HSPA4: variants seen among roughly 807,000 people sequenced by gnomAD.
The protein encoded by HSPA4 is heat shock protein family A (Hsp70) member 4, also known as heat shock 70 kDa protein 4.
In HSPA4, 25 loss-of-function variants were observed where a neutral mutation model predicts 106.2. The observed-to-expected ratio is 0.24, with a 90% confidence interval of 0.17 to 0.33. The LOEUF (loss-of-function observed/expected upper bound fraction) is 0.33. Ranked by LOEUF, HSPA4 falls within the 10% of genes least tolerant of loss-of-function variation. HSPA4 has a pLI of 1.00. For synonymous variants in HSPA4, 332 were observed against 333.6 expected, an observed-to-expected ratio of 1.00 and a Z score of 0.05; for missense variants, 841 against 996.0, an observed-to-expected ratio of 0.84 and a Z score of 2.10.
chr5:133,089,428 C>A, intron 10 of HSPA4, 134 bp from the exon 11 acceptor site: 1 of 801,700 alleles, frequency 1.2e-6, no homozygotes, highest in Non-Finnish European at 1.9e-6. Flanking sequence ...CTTGGGAACT[C>A]TTATAATCTG....
Position 133,073,210 on chromosome 5 carries a change from A to AT in HSPA4, c.430-18dup. 1 of 1,412,254 alleles carries AT rather than the reference A, an allele frequency of 7.1e-7. No homozygotes were observed. Among genetic ancestry groups the AT allele is most frequent in the Non-Finnish European group, 9.8e-7 (1 of 1,019,046 alleles). 87.5% of individuals were successfully genotyped at this position (1,412,254 alleles called of 1,614,324 possible). On this transcript the variant is annotated intron_variant, in intron 4 of 18. Transcript: ENST00000304858. ...AATTAGAATCTATAATACAGTAAGC[A>AT]TTCTTTTTTTTTTTTGTAGGTTCCT...
intron 7 of HSPA4, among the ~76,000 whole-genome samples, chr5:133,085,489 T>TTAAAAAAAAAAAA (rs1554089513): frequency 3.6e-5 from 4 of 110,286 alleles, no homozygotes; most frequent in African/African-American, 2.0e-4. Context: ...CCATCTCTAC[T>TTAAAAAAAAAAAA]AAAAAAAAAA....
Position 133,105,579 on chromosome 5 carries a change from G to C in HSPA4, c.*1143G>C, listed in dbSNP as rs1047963578. The C allele has an allele frequency of 3.3e-5, 5 of 152,204 alleles. No individual in the cohort carries two copies. The highest frequency in any genetic ancestry group is 4.4e-5 in the Non-Finnish European group (3 of 68,028). 9.4% of individuals were successfully genotyped at this position (152,204 alleles called of 1,614,324 possible). A position where few individuals can be genotyped will look rare whatever the true frequency, so the allele number is the denominator to read the frequency against. On this transcript the variant is annotated 3_prime_UTR_variant, in exon 19 of 19. Transcript: ENST00000304858. ...TCCTCTGACTGCTTTTTGGGGCAGT[G>C]TTGACAGGAGTGAGGCATTTTGGAA...
chr5:133,053,907 G>GC (rs1302583799), intron 1 of HSPA4, among the ~76,000 whole-genome samples: 6 of 151,628 alleles, frequency 4.0e-5, no homozygotes, highest in African/African-American at 1.2e-4. Flanking sequence ...TGATCCTCCC[G>GC]CCTCGGCCTC....
At chr5:133,059,291 TAAAA>T (rs1440903367) in intron 1 of HSPA4, among the ~76,000 whole-genome samples, 2 of 150,666 alleles carry the variant, frequency 1.3e-5, no homozygotes, top group African/African-American at 2.4e-5. Flanking sequence ...CTACTAAAAA[TAAAA>T]AAATTAGCTG....
At position 133,066,256 on chromosome 5, in the gene HSPA4, C is replaced by G. The variant is rs144975382; in HGVS notation, c.166-1161C>G. 4.7e-3 allele frequency among the ~76,000 whole-genome samples: 716 copies of G among 152,222 alleles called. 3 individuals carry two copies. The highest frequency in any genetic ancestry group is 7.5e-3 in the Non-Finnish European group (508 of 68,012). ...TCGAGGAAGGCATGATTTGGGTGGCCTCATCTGTTTCATAAAAGGACTTCT... is the reference window on the plus strand; with the variant it reads ...TCGAGGAAGGCATGATTTGGGTGGCGTCATCTGTTTCATAAAAGGACTTCT... On this transcript the variant is annotated intron_variant, in intron 2 of 18. Coordinates refer to ENST00000304858, the MANE Select transcript of HSPA4 (RefSeq NM_002154.4).
intron 1 of HSPA4, among the ~76,000 whole-genome samples, chr5:133,054,161 G>A (rs963853842): frequency 5.3e-5 from 8 of 151,986 alleles, no homozygotes; most frequent in Non-Finnish European, 1.2e-4. Flanking sequence ...CTGTCCCTTT[G>A]CTGAGTTTAG....
intron 7 of HSPA4, among the ~76,000 whole-genome samples, chr5:133,081,490 T>C (rs1765514824): frequency 6.6e-6 from 1 of 152,242 alleles, no homozygotes; most frequent in Non-Finnish European, 1.5e-5. Flanking sequence ...AAGATAACTT[T>C]AGGTAGGGCC....
chr5:133,052,178 C>T lies in HSPA4; in HGVS notation c.-73C>T, dbSNP rs1016010641. The T allele has an allele frequency of 3.3e-5, 35 of 1,074,574 alleles. No homozygotes were observed. The African/African-American group carries it at 4.5e-4, about 14-fold the overall frequency. The allele number at this position is 1,074,574 out of a possible 1,614,324, so 66.6% of individuals were successfully genotyped here. A position where few individuals can be genotyped will look rare whatever the true frequency, so the allele number is the denominator to read the frequency against. On this transcript the variant is annotated 5_prime_UTR_variant, in exon 1 of 19. Coordinates refer to ENST00000304858, the MANE Select transcript of HSPA4 (RefSeq NM_002154.4). ...GCCCAAGAGGCCTGCTTTCCACTCGCTAGCCCCGCCGGGGGTCCGTGTCCT... is the reference window on the plus strand; with the variant it reads ...GCCCAAGAGGCCTGCTTTCCACTCGTTAGCCCCGCCGGGGGTCCGTGTCCT...
At position 133,064,873 on chromosome 5, in the gene HSPA4, C is replaced by G. The variant is rs1765288792; in HGVS notation, c.108-107C>G. The stretch of plus-strand genomic sequence containing the variant: ...AAAGGTCAAAATCATAGATTTGTAC[C>G]ATTAAAATATATGGCATTTTAGCTG... On this transcript the variant is annotated intron_variant, in intron 1 of 18. Coordinates refer to ENST00000304858, the MANE Select transcript of HSPA4 (RefSeq NM_002154.4). The G allele has an allele frequency of 3.1e-6, 3 of 958,416 alleles. No homozygotes were observed. In the Admixed American group the frequency reaches 5.8e-5, roughly 19 times the overall value. The allele number at this position is 958,416 out of a possible 1,614,324, so 59.4% of individuals were successfully genotyped here. A position where few individuals can be genotyped will look rare whatever the true frequency, so the allele number is the denominator to read the frequency against.
At chr5:133,064,286 A>G (rs928694935) in intron 1 of HSPA4, among the ~76,000 whole-genome samples, 1 of 152,210 alleles carries the variant, frequency 6.6e-6, no homozygotes, top group Non-Finnish European at 1.5e-5. Flanking sequence ...TGGGTGAATC[A>G]TCTGAGGTCA....
At chr5:133,097,325 CT>C in intron 15 of HSPA4, 39 bp downstream of exon 15, 1 of 1,579,622 alleles carries the variant, frequency 6.3e-7, no homozygotes, top group African/African-American at 1.3e-5. Context: ...TGTGTGTCTT[CT>C]GTGAACATCT....
intron 1 of HSPA4, among the ~76,000 whole-genome samples, chr5:133,054,646 T>C (rs1036011578): frequency 2.0e-5 from 3 of 152,238 alleles, no homozygotes; most frequent in Admixed American, 2.0e-4. Flanking sequence ...CTGTGCCCTT[T>C]AGCAGTTTAT....
intron 1 of HSPA4, 49 bp downstream of exon 1, chr5:133,052,406 C>T (rs749365702): frequency 2.4e-6 from 3 of 1,229,896 alleles, no homozygotes; most frequent in East Asian, 2.7e-5. Context: ...GGAGATAATG[C>T]TTGTTCCAGT....
intron 10 of HSPA4, 72 bp downstream of exon 10, chr5:133,089,233 C>T (rs1352821616): frequency 6.0e-6 from 5 of 835,324 alleles, no homozygotes; most frequent in Non-Finnish European, 7.5e-6. Context: ...TGTTGCTTTT[C>T]ATTTCAGTTT....
At position 133,076,846 on chromosome 5, in the gene HSPA4, T is replaced by C. The variant is rs1765451997; in HGVS notation, c.856T>C (p.Leu286=). Residue 286 remains leucine, a synonymous_variant, in exon 7 of 19, where the codon TTG becomes CTG. Transcript: ENST00000304858. ...GAGTGCAAATGCTTCAGATCTCCCT[T>C]TGAGCATTGAATGTTTTATGAATGA... is the stretch of plus-strand genomic sequence containing the variant. ...LMSANASDLP[L]SIECFMNDVD... is the part of the protein sequence containing the mutation. 1.9e-6 allele frequency: 3 copies of C among 1,612,040 alleles called. No individual in the cohort carries two copies. Among genetic ancestry groups the C allele is most frequent in the Non-Finnish European group, 2.5e-6 (3 of 1,178,132 alleles).
At chr5:133,078,462 C>T (rs113696008) in intron 7 of HSPA4, among the ~76,000 whole-genome samples, 2,373 of 151,668 alleles carry the variant, frequency 0.016, 30 homozygotes, top group Middle Eastern at 0.038. Flanking sequence ...AGGTGAAACT[C>T]TTTCTCTACT....
intron 6 of HSPA4, among the ~76,000 whole-genome samples, chr5:133,075,232 A>G (rs990032376): frequency 2.6e-5 from 4 of 152,236 alleles, no homozygotes; most frequent in Non-Finnish European, 4.4e-5. Flanking sequence ...ATGGTGGACC[A>G]AATGTAATTC....
At position 133,092,806 on chromosome 5, in the gene HSPA4, G is replaced by GTTTTTTTTT. The variant is rs57230598; in HGVS notation, c.1650+41_1650+49dup. On this transcript the variant is annotated intron_variant, in intron 13 of 18. Transcript: ENST00000304858. ...GAAATGGAGGTATGCATTGGGTGGT[G>GTTTTTTTTT]TTTTTTTTTTTTTTTTTTTTTTTTT... The GTTTTTTTTT allele has an allele frequency of 4.4e-5, 21 of 474,020 alleles. 1 individual carries two copies. In the African/African-American group the frequency reaches 5.7e-4, roughly 13 times the overall value. 29.4% of individuals were successfully genotyped at this position (474,020 alleles called of 1,614,324 possible).
Sources: allele counts gnomAD v4.1 joint callset (sites outside exome capture counted in the v4.1 genomes callset), GRCh38; gene constraint gnomAD v4.1.1; transcripts MANE v1.5; gene names NCBI Gene and HGNC (gene_info 2026-07-23, HGNC 2026-07-21).